Variants in FMN2 observed in about 807,000 individuals in gnomAD.
The protein encoded by FMN2 is formin 2.
FMN2 carries 51 observed loss-of-function variants against 142.3 expected under a neutral mutation model. The ratio of observed to expected loss-of-function variants is 0.36; its 90% CI spans 0.29 to 0.45. The LOEUF (loss-of-function observed/expected upper bound fraction) is 0.45. Among genes scored for constraint, FMN2 ranks in the 20% least tolerant of loss-of-function variants. FMN2 has a pLI of 1.00. For missense variants in FMN2, 1,936 were observed against 2,122.8 expected (o/e 0.91, Z 1.73); for synonymous variants, 882 against 869.8 (o/e 1.01, Z -0.25).
chr1:240,193,580 C>T (rs1665797757), intron 4 of FMN2, among the ~76,000 whole-genome samples: 1 of 152,162 alleles, frequency 6.6e-6, no homozygotes, highest in African/African-American at 2.4e-5. Context: ...TGGAAGTGAA[C>T]ATGGCACTGG....
At chr1:240,204,011 G>A (rs1277850441) in intron 4 of FMN2, among the ~76,000 whole-genome samples, 1 of 152,102 alleles carries the variant, frequency 6.6e-6, no homozygotes, top group Non-Finnish European at 1.5e-5. Flanking sequence ...GTGTATGTGT[G>A]TGTATATATG....
At chr1:240,352,523 G>C (rs936505858) in intron 13 of FMN2, among the ~76,000 whole-genome samples, 1 of 152,164 alleles carries the variant, frequency 6.6e-6, no homozygotes, top group African/African-American at 2.4e-5. Context: ...GGAGGTTGCA[G>C]TGAGTCAAGA....
In FMN2 at chr1:240,474,465, T is replaced by A. The variant is rs1305719362; in HGVS notation, c.*311T>A. 3.8e-6 allele frequency: 1 copy of A among 263,982 alleles called. No individual in the cohort carries two copies. Among genetic ancestry groups the A allele is most frequent in the Non-Finnish European group, 7.1e-6 (1 of 141,620 alleles). The allele number at this position is 263,982 out of a possible 1,614,324, so 16.4% of individuals were successfully genotyped here. Reference sequence around the variant, plus strand: ...CACTAATTCTCAACATGCTAAACATTAACTACAATTCACTGTTGTGAGAAT... The same window carrying A: ...CACTAATTCTCAACATGCTAAACATAAACTACAATTCACTGTTGTGAGAAT... On this transcript the variant is annotated 3_prime_UTR_variant, in exon 18 of 18. Coordinates refer to ENST00000319653, the MANE Select transcript of FMN2 (RefSeq NM_020066.5).
intron 3 of FMN2, among the ~76,000 whole-genome samples, chr1:240,187,093 C>T (rs1034609161): frequency 4.5e-4 from 65 of 143,076 alleles, no homozygotes; most frequent in African/African-American, 1.3e-3. Context: ...GGTGAAACCC[C>T]GTCTGTACCA....
chr1:240,274,089 T>C (rs776731358), intron 7 of FMN2, among the ~76,000 whole-genome samples: 1 of 152,108 alleles, frequency 6.6e-6, no homozygotes, highest in Non-Finnish European at 1.5e-5. Flanking sequence ...TCACTCAACA[T>C]TAACTGTTTG....
chr1:240,464,572 CTAGATTT>C (rs1676552731), intron 16 of FMN2, among the ~76,000 whole-genome samples: 1 of 152,040 alleles, frequency 6.6e-6, no homozygotes, highest in African/African-American at 2.4e-5. Flanking sequence ...TCAAGGAGTC[CTAGATTT>C]TAGACTATGA....
chr1:240,142,567 G>A, intron 2 of FMN2: 1 of 1,196,204 alleles, frequency 8.4e-7, no homozygotes, highest in Non-Finnish European at 1.2e-6. Context: ...AGAGCAGGAG[G>A]CAACAATTCC....
intron 14 of FMN2, among the ~76,000 whole-genome samples, chr1:240,365,895 A>G (rs1026656623): frequency 1.3e-5 from 2 of 152,112 alleles, no homozygotes; most frequent in Non-Finnish European, 2.9e-5. Flanking sequence ...CATCTTGCAC[A>G]TAGGAACACT....
intron 15 of FMN2, among the ~76,000 whole-genome samples, chr1:240,401,658 T>A (rs1181000919): frequency 6.6e-6 from 1 of 152,244 alleles, no homozygotes; most frequent in African/African-American, 2.4e-5. Flanking sequence ...TTGTGATAGC[T>A]GAGTTGGGCT....
chr1:240,127,545 A>T (rs1662564585), intron 2 of FMN2, among the ~76,000 whole-genome samples: 1 of 151,514 alleles, frequency 6.6e-6, no homozygotes, highest in Non-Finnish European at 1.5e-5. Flanking sequence ...TAGCACAATC[A>T]TGGCTCACCG....
Position 240,347,727 on chromosome 1 carries a change from G to A in FMN2, c.4766-8089G>A, listed in dbSNP as rs115354969. On this transcript the variant is annotated intron_variant, in intron 13 of 17. Transcript: ENST00000319653. ...ACTCTAATAGACCCCAGCGTTGATCGCGCTCATCTTTATGTCTGTGTATAC... is the reference window on the plus strand; with the variant it reads ...ACTCTAATAGACCCCAGCGTTGATCACGCTCATCTTTATGTCTGTGTATAC... 9.4e-3 allele frequency among the ~76,000 whole-genome samples: 1,431 copies of A among 152,134 alleles called. 12 individuals are homozygous for A. The highest frequency in any genetic ancestry group is 0.014 in the Non-Finnish European group (951 of 68,000).
chr1:240,152,252 C>G (rs1663814599), intron 2 of FMN2, among the ~76,000 whole-genome samples: 1 of 151,742 alleles, frequency 6.6e-6, no homozygotes, highest in African/African-American at 2.4e-5. Flanking sequence ...TCTCTAGGCC[C>G]TGTCTAGAAT....
At chr1:240,237,773 A>C (rs1423288616) in intron 6 of FMN2, among the ~76,000 whole-genome samples, 6 of 152,174 alleles carry the variant, frequency 3.9e-5, no homozygotes, top group Non-Finnish European at 8.8e-5. Context: ...CAAATTGCAG[A>C]ATAAGACTGG....
intron 16 of FMN2, among the ~76,000 whole-genome samples, chr1:240,448,192 T>G (rs537576013): frequency 6.6e-6 from 1 of 152,140 alleles, no homozygotes; most frequent in Non-Finnish European, 1.5e-5. Flanking sequence ...ATTAAAAAAT[T>G]GCACAGCTCA....
intron 5 of FMN2, among the ~76,000 whole-genome samples, chr1:240,209,223 A>G (rs1666578059): frequency 6.6e-6 from 1 of 150,720 alleles, no homozygotes; most frequent in African/African-American, 2.5e-5. Context: ...AAACAGCTTA[A>G]AAATGTAAAT....
intron 4 of FMN2, among the ~76,000 whole-genome samples, chr1:240,200,832 T>C (rs543735651): frequency 6.6e-6 from 1 of 152,278 alleles, no homozygotes; most frequent in South Asian, 2.1e-4. Flanking sequence ...AAATGATCTG[T>C]ACAAAAAAGT....
At chr1:240,213,528 G>A (rs577822023) in intron 6 of FMN2, among the ~76,000 whole-genome samples, 3 of 152,244 alleles carry the variant, frequency 2.0e-5, no homozygotes, top group African/African-American at 7.2e-5. Context: ...ATTTACTTGA[G>A]ACATTTAAAA....
intron 15 of FMN2, among the ~76,000 whole-genome samples, chr1:240,398,560 AAATAAG>A (rs894567920): frequency 6.6e-6 from 1 of 152,196 alleles, no homozygotes; most frequent in Non-Finnish European, 1.5e-5. Flanking sequence ...TCAAAAGTAA[AAATAAG>A]AATAATGAAT....
chr1:240,224,516 G>A (rs34562104), intron 6 of FMN2, among the ~76,000 whole-genome samples: 1,613 of 152,160 alleles, frequency 0.011, 8 homozygotes, highest in Middle Eastern at 0.02. Context: ...GGTCCTAATA[G>A]GACCAAAGAT....
Sources: allele counts gnomAD v4.1 joint callset (sites outside exome capture counted in the v4.1 genomes callset), GRCh38; gene constraint gnomAD v4.1.1; transcripts MANE v1.5; gene names NCBI Gene and HGNC (gene_info 2026-07-23, HGNC 2026-07-21).